The following GNAQ variants were observed in gnomAD, a reference collection of about 807,000 sequenced individuals.
The protein encoded by GNAQ is G protein subunit alpha q.
Under a neutral mutation model 43.9 loss-of-function variants are expected in GNAQ, and 8 were observed. The ratio of observed to expected loss-of-function variants is 0.18; its 90% confidence interval spans 0.11 to 0.33. The LOEUF is 0.33. GNAQ is among the 10% of genes least tolerant of loss of function. The pLI, the probability that GNAQ is intolerant of heterozygous loss-of-function variation, is 1.00. For synonymous variants in GNAQ, 155 were observed against 170.7 expected (o/e 0.91, Z 0.71); for missense variants, 158 against 450.8 (o/e 0.35, Z 5.88).
intron 5 of GNAQ, among the ~76,000 whole-genome samples, chr9:77,789,190 T>C (rs1826528835): frequency 6.6e-6 from 1 of 152,152 alleles, no homozygotes; most frequent in African/African-American, 2.4e-5. Context: ...ATTTATTTTA[T>C]CCCACTGGGC....
chr9:77,734,859 A>C lies in GNAQ; in HGVS notation c.736-6192T>G, dbSNP rs76245635. Among the ~76,000 whole-genome samples the C allele has an allele frequency of 5.1e-3, 771 of 152,330 alleles. 8 individuals carry two copies. The highest frequency in any genetic ancestry group is 0.018 in the African/African-American group (736 of 41,576). ...AGAATGAATACATGAGCATGTCTATAAAGTCGACTGCTCAGTAAAAGGGGA... is the reference window on the plus strand; with the variant it reads ...AGAATGAATACATGAGCATGTCTATCAAGTCGACTGCTCAGTAAAAGGGGA... On this transcript the variant is annotated intron_variant, in intron 5 of 6. Coordinates refer to ENST00000286548, the MANE Select transcript of GNAQ (RefSeq NM_002072.5).
intron 2 of GNAQ, among the ~76,000 whole-genome samples, chr9:77,883,014 A>G (rs1010463504): frequency 6.6e-6 from 1 of 152,244 alleles, no homozygotes; most frequent in African/African-American, 2.4e-5. Flanking sequence ...AATTCTTAAA[A>G]TCAAAATGCA....
In GNAQ at chr9:77,936,551, T is replaced by C. The variant is rs375908765; in HGVS notation, c.137-14206A>G. Among the ~76,000 whole-genome samples the C allele has an allele frequency of 8.5e-5, 13 of 152,286 alleles. 1 individual carries two copies. Among genetic ancestry groups the C allele is most frequent in the African/African-American group, 3.1e-4 (13 of 41,552 alleles). On this transcript the variant is annotated intron_variant, in intron 1 of 6. Coordinates refer to ENST00000286548, the MANE Select transcript of GNAQ (RefSeq NM_002072.5). ...CATCTAGTGAAAACAGTGCCTCACA[T>C]AGACTGTACTTGCTTACTTGAACCA...
chr9:77,910,427 A>T (rs1052930365), intron 2 of GNAQ, among the ~76,000 whole-genome samples: 1 of 152,224 alleles, frequency 6.6e-6, no homozygotes, highest in Non-Finnish European at 1.5e-5. Flanking sequence ...CTTTGCCAGG[A>T]GTTAACCAAG....
chr9:77,815,956 C>G (rs1827006736), intron 2 of GNAQ, among the ~76,000 whole-genome samples, 186 bp from the exon 3 acceptor site: 1 of 152,054 alleles, frequency 6.6e-6, no homozygotes. Context: ...CCAAATCTTT[C>G]CCTCTAGAGT....
At chr9:77,844,253 A>G (rs918691624) in intron 2 of GNAQ, among the ~76,000 whole-genome samples, 1 of 152,266 alleles carries the variant, frequency 6.6e-6, no homozygotes, top group Middle Eastern at 3.4e-3. Flanking sequence ...TAAAATAATG[A>G]TCCCACTCCT....
intron 5 of GNAQ, among the ~76,000 whole-genome samples, chr9:77,732,476 C>T (rs570839918): frequency 7.2e-5 from 11 of 152,104 alleles, no homozygotes; most frequent in Admixed American, 1.3e-4. Context: ...AGCGATTCTC[C>T]TGCCTCAGCC....
At chr9:77,824,246 T>C (rs1201952440) in intron 2 of GNAQ, among the ~76,000 whole-genome samples, 1 of 152,240 alleles carries the variant, frequency 6.6e-6, no homozygotes, top group South Asian at 2.1e-4. Flanking sequence ...TTTTCAACCA[T>C]GCTCTTCTTG....
intron 2 of GNAQ, among the ~76,000 whole-genome samples, chr9:77,838,372 A>G (rs1262914959): frequency 6.6e-6 from 1 of 150,698 alleles, no homozygotes; most frequent in African/African-American, 2.4e-5. Flanking sequence ...CGAACTCCCG[A>G]CCTCAGGTGA....
intron 1 of GNAQ, among the ~76,000 whole-genome samples, chr9:77,989,422 C>G (rs1180899930): frequency 6.6e-6 from 1 of 152,198 alleles, no homozygotes; most frequent in Non-Finnish European, 1.5e-5. Context: ...AGTGACTGAG[C>G]TGAGCCTGTG....
intron 5 of GNAQ, among the ~76,000 whole-genome samples, chr9:77,760,399 G>T (rs1825977761): frequency 6.6e-6 from 1 of 152,140 alleles, no homozygotes; most frequent in Non-Finnish European, 1.5e-5. Flanking sequence ...GGTGGAGACG[G>T]GGTTTCGCTG....
chr9:77,828,093 A>T (rs1005099795), intron 2 of GNAQ, among the ~76,000 whole-genome samples: 1 of 144,368 alleles, frequency 6.9e-6, no homozygotes, highest in African/African-American at 2.6e-5. Context: ...AAAAAAAAAA[A>T]GAAGGGGCAG....
chr9:77,954,418 G>A (rs1451747097), intron 1 of GNAQ, among the ~76,000 whole-genome samples: 1 of 152,218 alleles, frequency 6.6e-6, no homozygotes, highest in Non-Finnish European at 1.5e-5. Context: ...TTAAGGAAGA[G>A]AAGAACTGAG....
chr9:77,900,758 CCTT>C (rs1828595538), intron 2 of GNAQ, among the ~76,000 whole-genome samples: 1 of 152,094 alleles, frequency 6.6e-6, no homozygotes, highest in Non-Finnish European at 1.5e-5. Flanking sequence ...ACTTACTTAC[CCTT>C]CTTTCTTGGC....
At chr9:77,820,596 G>C (rs1025879903) in intron 2 of GNAQ, among the ~76,000 whole-genome samples, 7 of 152,174 alleles carry the variant, frequency 4.6e-5, no homozygotes, top group Admixed American at 3.3e-4. Context: ...GAAAACGAAA[G>C]ATCTTCTGTG....
chr9:77,868,483 T>C (rs1255441609), intron 2 of GNAQ, among the ~76,000 whole-genome samples: 1 of 152,224 alleles, frequency 6.6e-6, no homozygotes, highest in Admixed American at 6.5e-5. Context: ...GCTTTAAATA[T>C]AAAATTTAAT....
intron 1 of GNAQ, among the ~76,000 whole-genome samples, chr9:78,017,258 C>G (rs562729454): frequency 6.6e-6 from 1 of 152,262 alleles, no homozygotes; most frequent in Non-Finnish European, 1.5e-5. Flanking sequence ...TACCAAAGTT[C>G]GGTCACTAAA....
intron 2 of GNAQ, among the ~76,000 whole-genome samples, chr9:77,843,274 G>C (rs1049845935): frequency 6.6e-6 from 1 of 152,174 alleles, no homozygotes; most frequent in Admixed American, 6.5e-5. Flanking sequence ...CAGGCAGATG[G>C]GTGGAGCATT....
intron 1 of GNAQ, among the ~76,000 whole-genome samples, chr9:78,006,343 T>C (rs1564176330): frequency 6.6e-6 from 1 of 152,128 alleles, no homozygotes; most frequent in Non-Finnish European, 1.5e-5. Context: ...CCCTGCCCCA[T>C]AAGATCTCAA....
Sources: gnomAD v4.1 joint callset for allele counts (sites outside exome capture counted in the v4.1 genomes callset) on GRCh38, gnomAD v4.1.1 for gene constraint, MANE v1.5 for transcripts, NCBI Gene and HGNC (gene_info 2026-07-23, HGNC 2026-07-21) for gene names.